CORIN: variants seen among roughly 807,000 people sequenced by gnomAD.
CORIN encodes corin, serine peptidase.
In CORIN, 117 loss-of-function variants were observed where a neutral mutation model predicts 125.3. The observed-to-expected ratio is 0.93, with a 90% CI of 0.80 to 1.09. CORIN has a LOEUF of 1.09. Among genes scored for constraint, CORIN ranks in the 50% least tolerant of loss-of-function variants. CORIN has a pLI of 0.00. For synonymous variants in CORIN, 450 were observed against 466.4 expected, an observed-to-expected ratio of 0.96 and a Z score of 0.45; for missense variants, 1,253 against 1,306.7, an observed-to-expected ratio of 0.96 and a Z score of 0.63.
intron 2 of CORIN, among the ~76,000 whole-genome samples, chr4:47,792,282 G>A (rs1286795375): frequency 1.3e-5 from 2 of 152,196 alleles, no homozygotes; most frequent in African/African-American, 4.8e-5. Context: ...CACCAGACAG[G>A]ATAGGTCTTG....
intron 1 of CORIN, among the ~76,000 whole-genome samples, chr4:47,836,453 C>T (rs532189309): frequency 1.3e-5 from 2 of 152,324 alleles, no homozygotes; most frequent in South Asian, 2.1e-4. Flanking sequence ...GACTTCACCC[C>T]CTTTCTGGTA....
Position 47,600,250 on chromosome 4 carries a change from A to C in CORIN, c.2910T>G (p.Cys970Trp), listed in dbSNP as rs1332370559. ...DMKTITTRMI[C>W]AGYESGTVDS... ...CAACTGTGCCAGACTCATAGCCAGC[A>C]CATATCATCCGAGTGGTGATGGTCT... Residue 970 changes from cysteine to tryptophan, a missense_variant, in exon 21 of 22, where the codon TGT becomes TGG. By Grantham distance (215) the Cys-to-Trp change is radical (BLOSUM62 -2). Transcript: ENST00000273857. The C allele has an allele frequency of 6.2e-7, 1 of 1,613,970 alleles. No homozygotes were observed. Among genetic ancestry groups the C allele is most frequent in the Admixed American group, 1.7e-5 (1 of 60,010 alleles).
intron 5 of CORIN, among the ~76,000 whole-genome samples, chr4:47,718,832 G>T (rs1255520358): frequency 1.3e-5 from 2 of 152,206 alleles, no homozygotes; most frequent in African/African-American, 4.8e-5. Flanking sequence ...CCGTGTTGTA[G>T]TTAAAAGATG....
intron 19 of CORIN, among the ~76,000 whole-genome samples, chr4:47,616,254 A>G (rs1722063301): frequency 6.6e-6 from 1 of 152,144 alleles, no homozygotes; most frequent in Non-Finnish European, 1.5e-5. Context: ...ATATTCAAGT[A>G]TATTCATATT....
chr4:47,698,253 T>C (rs945643052), intron 5 of CORIN, among the ~76,000 whole-genome samples: 19 of 150,044 alleles, frequency 1.3e-4, no homozygotes, highest in African/African-American at 4.7e-4. Flanking sequence ...GGTATAGGAG[T>C]GGGGTAATAA....
At chr4:47,799,055 C>A (rs930244377) in intron 2 of CORIN, among the ~76,000 whole-genome samples, 3 of 151,710 alleles carry the variant, frequency 2.0e-5, no homozygotes, top group African/African-American at 7.3e-5. Context: ...ATCCATTTTG[C>A]TGCAAAGGAC....
At position 47,838,034 on chromosome 4, in the gene CORIN, G is replaced by C. The variant is rs1003742147; in HGVS notation, c.-85C>G. ...TACGTGTCCCCCGGGGAGGCACTAC[G>C]GATGATTTTCTCCAAGCTCAAGAGA... is the stretch of plus-strand genomic sequence containing the variant. On this transcript the variant is annotated 5_prime_UTR_variant, in exon 1 of 22. Transcript: ENST00000273857. 6.3e-7 allele frequency: 1 copy of C among 1,583,898 alleles called. No individual in the cohort carries two copies. Among genetic ancestry groups the C allele is most frequent in the Non-Finnish European group, 8.5e-7 (1 of 1,172,928 alleles).
chr4:47,766,638 T>A (rs1352533850), intron 3 of CORIN, among the ~76,000 whole-genome samples: 1 of 151,988 alleles, frequency 6.6e-6, no homozygotes, highest in African/African-American at 2.4e-5. Context: ...GAAGGCATCA[T>A]TATACTCATT....
At chr4:47,703,110 A>G (rs1726385274) in intron 5 of CORIN, among the ~76,000 whole-genome samples, 1 of 152,106 alleles carries the variant, frequency 6.6e-6, no homozygotes, top group African/African-American at 2.4e-5. Context: ...GACCTCAACT[A>G]TCTTCCGGAT....
rs546354195 is a variant in CORIN at position 47,655,772 on chromosome 4, A to T, written c.1736-2112T>A. Among the ~76,000 whole-genome samples, 3 of 152,194 alleles carry T rather than the reference A, an allele frequency of 2.0e-5. No homozygotes were observed. The South Asian group carries it at 6.2e-4, about 32-fold the overall frequency. ...GAAATATACAACCTACTAAGATTGAACCATAAAGAAATCCAAAATCTGAAC... is the reference window on the plus strand; with the variant it reads ...GAAATATACAACCTACTAAGATTGATCCATAAAGAAATCCAAAATCTGAAC... On this transcript the variant is annotated intron_variant, in intron 12 of 21. Transcript: ENST00000273857.
At chr4:47,654,242 A>C (rs571144861) in intron 12 of CORIN, among the ~76,000 whole-genome samples, 1 of 152,314 alleles carries the variant, frequency 6.6e-6, no homozygotes, top group South Asian at 2.1e-4. Flanking sequence ...TTAATTTTAA[A>C]ATGATTTTTT....
At chr4:47,817,379 A>G (rs868393918) in intron 1 of CORIN, among the ~76,000 whole-genome samples, 1 of 152,194 alleles carries the variant, frequency 6.6e-6, no homozygotes, top group Middle Eastern at 3.4e-3. Context: ...ACTAGGGTAG[A>G]ACAACACACA....
In CORIN at chr4:47,795,713, G is replaced by A. The variant is rs111526219; in HGVS notation, c.209-8788C>T. Among the ~76,000 whole-genome samples the A allele has an allele frequency of 9.1e-3, 1,380 of 151,898 alleles. 20 individuals are homozygous for A. The highest frequency in any genetic ancestry group is 0.03 in the African/African-American group (1,245 of 41,406). On this transcript the variant is annotated intron_variant, in intron 2 of 21. Coordinates refer to ENST00000273857, the MANE Select transcript of CORIN (RefSeq NM_006587.4). ...TTGTAAACCACATATTTGATCAAGA[G>A]TTAATATTCAAAATATGTAAAAATA...
intron 2 of CORIN, among the ~76,000 whole-genome samples, chr4:47,789,203 C>T (rs1730953413): frequency 6.6e-6 from 1 of 152,044 alleles, no homozygotes; most frequent in Admixed American, 6.5e-5. Flanking sequence ...ACTAGGGAGG[C>T]TGTGGCAGGA....
intron 5 of CORIN, among the ~76,000 whole-genome samples, chr4:47,734,810 A>G (rs1325013986): frequency 6.6e-6 from 1 of 152,178 alleles, no homozygotes; most frequent in Non-Finnish European, 1.5e-5. Context: ...TCTTGCCTCT[A>G]CCTACTAGGT....
At chr4:47,615,081 C>A (rs1440353959) in intron 19 of CORIN, among the ~76,000 whole-genome samples, 1 of 152,092 alleles carries the variant, frequency 6.6e-6, no homozygotes, top group Non-Finnish European at 1.5e-5. Context: ...TGAAAGTATT[C>A]CAAACTGCAG....
intron 3 of CORIN, among the ~76,000 whole-genome samples, chr4:47,768,088 C>A (rs28455705): frequency 2.0e-5 from 3 of 152,114 alleles, no homozygotes; most frequent in East Asian, 3.9e-4. Flanking sequence ...TGGCTCACCC[C>A]GGCTCAAAAG....
Position 47,665,223 on chromosome 4 carries a change from C to A in CORIN, c.1398G>T (p.Leu466Phe), listed in dbSNP as rs1201590296. Residue 466 changes from leucine (L) to phenylalanine (F), a missense_variant, in exon 11 of 22, where the codon TTG becomes TTT. By Grantham distance (22) the Leu-to-Phe change is conservative. Coordinates refer to ENST00000273857, the MANE Select transcript of CORIN (RefSeq NM_006587.4). Reference sequence around the variant, plus strand: ...TTGGATAACTTGTACTGTTGTAGGGCAAATTCATGCAGAGTTCCAATGTAA... The same window carrying A: ...TTGGATAACTTGTACTGTTGTAGGGAAAATTCATGCAGAGTTCCAATGTAA... ...EPITLELCMN[L>F]PYNSTSYPNY... is the part of the protein sequence containing the mutation. 1.2e-6 allele frequency: 2 copies of A among 1,613,774 alleles called. No individual in the cohort carries two copies. The highest frequency in any genetic ancestry group is 2.7e-5 in the African/African-American group (2 of 74,870).
At chr4:47,639,384 C>T (rs543966802) in intron 16 of CORIN, among the ~76,000 whole-genome samples, 5 of 152,176 alleles carry the variant, frequency 3.3e-5, no homozygotes, top group African/African-American at 1.2e-4. Flanking sequence ...CATGTCTTCC[C>T]CACTCCATTA....
Sources: gnomAD v4.1 joint callset for allele counts (sites outside exome capture counted in the v4.1 genomes callset) on GRCh38, gnomAD v4.1.1 for gene constraint, MANE v1.5 for transcripts, NCBI Gene and HGNC (gene_info 2026-07-23, HGNC 2026-07-21) for gene names.